Variants in SHROOM4 observed in about 807,000 individuals in gnomAD.
The protein encoded by SHROOM4 is shroom family member 4, also known as protein Shroom4.
In SHROOM4, 17 loss-of-function variants were observed where a neutral mutation model predicts 80.3. The observed-to-expected ratio is 0.21, with a 90% CI of 0.14 to 0.32. SHROOM4 has a LOEUF of 0.32. Ranked by LOEUF, SHROOM4 falls within the 10% of genes least tolerant of loss-of-function variation. The pLI, the probability that SHROOM4 is intolerant of heterozygous loss-of-function variation, is 1.00. For missense variants in SHROOM4, 993 were observed against 1,140.3 expected (o/e 0.87, Z 1.86); for synonymous variants, 400 against 437.5 (o/e 0.91, Z 1.07).
At chrX:50,746,591 A>G (rs782439427) in intron 1 of SHROOM4, among the ~76,000 whole-genome samples, 3 of 112,106 alleles carry the variant, frequency 2.7e-5, no homozygotes, top group East Asian at 5.6e-4. Flanking sequence ...AAGTCCTTGC[A>G]TTTAAGGAGT....
At chrX:50,670,519 T>C (rs782009501) in intron 2 of SHROOM4, among the ~76,000 whole-genome samples, 12 of 112,008 alleles carry the variant, frequency 1.1e-4, no homozygotes, top group Admixed American at 9.5e-4. Context: ...TTGATAGGCA[T>C]TTGGGTTGGT....
chrX:50,772,748 C>T (rs1302239131), intron 1 of SHROOM4, among the ~76,000 whole-genome samples: 1 of 111,935 alleles, frequency 8.9e-6, no homozygotes, highest in Non-Finnish European at 1.9e-5. Context: ...CAAAGACAGT[C>T]TTTGTTTGAT....
Position 50,594,635 on chromosome X carries a change from C to T in SHROOM4, c.*2060G>A, listed in dbSNP as rs1929018923. The T allele has an allele frequency of 9.0e-6, 1 of 111,508 alleles. No individual in the cohort carries two copies. The highest frequency in any genetic ancestry group is 3.9e-4 in the South Asian group (1 of 2,571). 9.2% of individuals were successfully genotyped at this position (111,508 alleles called of 1,213,427 possible). On this transcript the variant is annotated 3_prime_UTR_variant, in exon 9 of 9. Coordinates refer to ENST00000376020, the MANE Select transcript of SHROOM4 (RefSeq NM_020717.5). ...AATGATGAAACATATCAGCCTCATC[C>T]TCCCAATACAGGACATCTCAATTTG...
chrX:50,607,483 CT>C lies in SHROOM4; in HGVS notation c.3658del (p.Arg1220GlyfsTer68), dbSNP rs1569546464. The C allele has an allele frequency of 8.3e-7, 1 of 1,211,473 alleles. No individual in the cohort carries two copies. The highest frequency in any genetic ancestry group is 1.1e-6 in the Non-Finnish European group (1 of 895,463). On this transcript the variant is annotated frameshift_variant, in exon 6 of 9. Transcript: ENST00000376020. LOFTEE classifies it high-confidence loss of function. Reference protein sequence around the residue: ...LHSSDFLPPIRGHLGSQPEQA... With the variant: ...LHSSDFLPPIXGHLGSQPEQA... ...CTCAGGTTGAGATCCCAAGTGACCC[CT>C]TATTGGAGGCAAGAAATCACTGGAA... is the stretch of plus-strand genomic sequence containing the variant.
intron 1 of SHROOM4, among the ~76,000 whole-genome samples, chrX:50,757,854 C>T (rs1935070799): frequency 9.2e-6 from 1 of 108,721 alleles, no homozygotes; most frequent in Non-Finnish European, 1.9e-5. Context: ...TGAGATTTTT[C>T]TAGGGATTGT....
chrX:50,687,285 A>ATTTTTTTTTTTTTTTTTTTTTTTTT (rs1557262325), intron 2 of SHROOM4: 1 of 92,810 alleles, frequency 1.1e-5, no homozygotes, highest in African/African-American at 6.5e-5. Flanking sequence ...TTTTTTTTTA[A>ATTTTTTTTTTTTTTTTTTTTTTTTT]AAACAGCTAT....
At chrX:50,586,313 A>G (rs985120267), downstream of SHROOM4, among the ~76,000 whole-genome samples, 1 of 111,966 alleles carries the variant, frequency 8.9e-6, no homozygotes, top group Non-Finnish European at 1.9e-5. Flanking sequence ...CAAGCTGGAA[A>G]GATTTTTTAC....
In SHROOM4 at chrX:50,591,693, CT is replaced by C. The variant is rs34505626; in HGVS notation, c.*5001del. On this transcript the variant is annotated 3_prime_UTR_variant, in exon 9 of 9. Transcript: ENST00000376020. ...GTTTTCTTTCTTTCTTTCTTTCTTTCTTTTCTTTCTTTCTTTCTTTCTTTCT... is the reference window on the plus strand; with the variant it reads ...GTTTTCTTTCTTTCTTTCTTTCTTTCTTTCTTTCTTTCTTTCTTTCTTTCT... 4,733 of 228,343 alleles carry C rather than the reference CT, an allele frequency of 0.021. 101 individuals carry two copies. The highest frequency in any genetic ancestry group is 0.11 in the African/African-American group (2,373 of 22,172). 18.8% of individuals were successfully genotyped at this position (228,343 alleles called of 1,213,427 possible).
At chrX:50,645,373 G>A (rs1342946926) in intron 2 of SHROOM4, among the ~76,000 whole-genome samples, 1 of 112,132 alleles carries the variant, frequency 8.9e-6, no homozygotes, top group Non-Finnish European at 1.9e-5. Flanking sequence ...CAGTGGCCCA[G>A]CCCATGCAAA....
At chrX:50,602,970 G>A (rs1929498786) in intron 6 of SHROOM4, among the ~76,000 whole-genome samples, 157 bp from the exon 7 acceptor site, 1 of 111,986 alleles carries the variant, frequency 8.9e-6, no homozygotes, top group African/African-American at 3.2e-5. Context: ...GCCACATGAA[G>A]GCAAACTGGA....
intron 1 of SHROOM4, among the ~76,000 whole-genome samples, chrX:50,771,286 GA>G (rs1255596522): frequency 3.6e-5 from 4 of 112,371 alleles, no homozygotes; most frequent in Non-Finnish European, 5.6e-5. Flanking sequence ...CAGCTTGGGA[GA>G]CCTTGTGCTT....
chrX:50,686,067 T>A (rs146648185), intron 2 of SHROOM4, among the ~76,000 whole-genome samples: 2 of 102,620 alleles, frequency 1.9e-5, no homozygotes, highest in African/African-American at 4.4e-5. Context: ...TGGCTCTGTC[T>A]TCCAGGCTGG....
intron 1 of SHROOM4, among the ~76,000 whole-genome samples, chrX:50,813,148 CGGCGGCGGCAGT>C (rs1181019696): frequency 4.4e-5 from 4 of 91,163 alleles, no homozygotes; most frequent in Non-Finnish European, 8.9e-5. Flanking sequence ...GCGGCGGCGG[CGGCGGCGGCAGT>C]GGCGGCGGCG....
chrX:50,746,634 TC>T (rs1160446814), intron 1 of SHROOM4, among the ~76,000 whole-genome samples: 1 of 112,107 alleles, frequency 8.9e-6, no homozygotes, highest in Non-Finnish European at 1.9e-5. Flanking sequence ...GCCTTAGGAT[TC>T]TTCCCTTACA....
intron 1 of SHROOM4, among the ~76,000 whole-genome samples, chrX:50,771,731 T>C (rs1443406016): frequency 8.9e-6 from 1 of 112,567 alleles, no homozygotes; most frequent in Non-Finnish European, 1.9e-5. Context: ...GCTTTTTCTA[T>C]AAATATCTCT....
rs1384018231 is a variant in SHROOM4 at position 50,592,207 on chromosome X, A to G, written c.*4488T>C. On this transcript the variant is annotated 3_prime_UTR_variant, in exon 9 of 9. Transcript: ENST00000376020. ...TATAATAATGGTTACCATGTACTGA[A>G]TATGTTTTCAACAAGTCAGTACTTC... 6.1e-6 allele frequency: 2 copies of G among 326,592 alleles called. No homozygotes were observed. The highest frequency in any genetic ancestry group is 1.2e-5 in the Non-Finnish European group (2 of 168,887). The allele number at this position is 326,592 out of a possible 1,213,427, so 26.9% of individuals were successfully genotyped here.
chrX:50,666,593 G>A (rs1410912721), intron 2 of SHROOM4, among the ~76,000 whole-genome samples: 1 of 111,828 alleles, frequency 8.9e-6, no homozygotes, highest in East Asian at 2.8e-4. Flanking sequence ...CATACTGAGA[G>A]AGAGAGGAGG....
chrX:50,687,207 T>C lies in SHROOM4; in HGVS notation c.269+8579A>G, dbSNP rs1477210306. 3 of 110,560 alleles carry C rather than the reference T, an allele frequency of 2.7e-5. No homozygotes were observed. In the Admixed American group the frequency reaches 2.9e-4, roughly 11 times the overall value. The allele number at this position is 110,560 out of a possible 1,213,427, so 9.1% of individuals were successfully genotyped here. On this transcript the variant is annotated intron_variant, in intron 2 of 8. Coordinates refer to ENST00000376020, the MANE Select transcript of SHROOM4 (RefSeq NM_020717.5). ...CTGTGAAGGGCCAGGTAGTAAATAT[T>C]TTAGGTTTTGTAGACTATATAGTGT...
intron 2 of SHROOM4, among the ~76,000 whole-genome samples, chrX:50,693,194 A>G (rs1039382767): frequency 2.9e-4 from 32 of 111,654 alleles, no homozygotes; most frequent in African/African-American, 1.0e-3. Flanking sequence ...GGTCAGAGGA[A>G]GAGCAGGTAG....
Sources: gnomAD v4.1 joint callset for allele counts (sites outside exome capture counted in the v4.1 genomes callset) on GRCh38, gnomAD v4.1.1 for gene constraint, MANE v1.5 for transcripts, NCBI Gene and HGNC (gene_info 2026-07-23, HGNC 2026-07-21) for gene names.